The following CSMD1 variants were observed in gnomAD, a reference collection of about 807,000 sequenced individuals.
The protein encoded by CSMD1 is CUB and sushi domain-containing protein 1.
CSMD1 carries 213 observed loss-of-function variants against 417.5 expected under a neutral mutation model. That is an observed-to-expected ratio of 0.51 (90% CI 0.46 to 0.57). The LOEUF (loss-of-function observed/expected upper bound fraction) is 0.57. Among genes scored for constraint, CSMD1 ranks in the 20% least tolerant of loss-of-function variants. CSMD1 has a pLI of 0.00. For synonymous variants in CSMD1, 2,862 were observed against 1,736.8 expected, an observed-to-expected ratio of 1.65 and a Z score of -16.11; for missense variants, 6,923 against 4,529.7, an observed-to-expected ratio of 1.53 and a Z score of -15.17.
intron 5 of CSMD1, among the ~76,000 whole-genome samples, chr8:3,869,407 G>C (rs753228474): frequency 2.6e-5 from 4 of 152,012 alleles, no homozygotes; most frequent in African/African-American, 4.8e-5. Context: ...GACTTATTTT[G>C]TTTACTCCTT....
chr8:4,003,456 A>G (rs1815862984), intron 4 of CSMD1, among the ~76,000 whole-genome samples: 1 of 152,096 alleles, frequency 6.6e-6, no homozygotes, highest in African/African-American at 2.4e-5. Context: ...GTAAATAACA[A>G]GACACAAACA....
At chr8:3,653,675 G>T (rs974925981) in intron 7 of CSMD1, among the ~76,000 whole-genome samples, 1 of 152,128 alleles carries the variant, frequency 6.6e-6, no homozygotes, top group South Asian at 2.1e-4. Context: ...GCTTTTTACA[G>T]CCCAAGTCCT....
At chr8:3,982,184 T>C (rs1023637329) in intron 5 of CSMD1, among the ~76,000 whole-genome samples, 1 of 128,880 alleles carries the variant, frequency 7.8e-6, no homozygotes, top group African/African-American at 2.7e-5. Flanking sequence ...ATAATAATAA[T>C]AATAATATTA....
chr8:4,760,002 T>C (rs1357789405), intron 1 of CSMD1, among the ~76,000 whole-genome samples: 1 of 152,224 alleles, frequency 6.6e-6, no homozygotes, highest in Non-Finnish European at 1.5e-5. Context: ...TCTTCCACAA[T>C]GGTTGAACTA....
At chr8:3,923,498 T>TTG (rs1009153530) in intron 5 of CSMD1, among the ~76,000 whole-genome samples, 1 of 152,174 alleles carries the variant, frequency 6.6e-6, no homozygotes, top group Non-Finnish European at 1.5e-5. Flanking sequence ...CTTAAAGGTA[T>TTG]TGTGTGTGTG....
At chr8:3,970,029 C>G (rs1235043613) in intron 5 of CSMD1, among the ~76,000 whole-genome samples, 1 of 152,214 alleles carries the variant, frequency 6.6e-6, no homozygotes, top group East Asian at 1.9e-4. Flanking sequence ...TCTCACCTTT[C>G]CCTTCAGCAT....
chr8:4,149,036 T>C (rs1262098581), intron 3 of CSMD1, among the ~76,000 whole-genome samples: 2 of 151,922 alleles, frequency 1.3e-5, no homozygotes, highest in African/African-American at 2.4e-5. Context: ...CAATCTTTGC[T>C]CACTGCAACC....
intron 9 of CSMD1, among the ~76,000 whole-genome samples, chr8:3,575,613 G>A (rs924446849): frequency 6.6e-6 from 1 of 152,082 alleles, no homozygotes; most frequent in Non-Finnish European, 1.5e-5. Context: ...TCGAGCTTTA[G>A]ATTCTATTCT....
At chr8:4,352,654 C>T (rs999990103) in intron 3 of CSMD1, among the ~76,000 whole-genome samples, 2 of 152,168 alleles carry the variant, frequency 1.3e-5, no homozygotes, top group African/African-American at 4.8e-5. Flanking sequence ...CATACTATTT[C>T]CCCTATGAAG....
chr8:3,761,791 C>G (rs1798018312), intron 5 of CSMD1, among the ~76,000 whole-genome samples: 2 of 152,148 alleles, frequency 1.3e-5, no homozygotes, highest in Non-Finnish European at 2.9e-5. Flanking sequence ...CAGGCTTGAG[C>G]AACAATGCCC....
At chr8:3,240,750 A>C (rs1311624167) in intron 26 of CSMD1, among the ~76,000 whole-genome samples, 1 of 152,024 alleles carries the variant, frequency 6.6e-6, no homozygotes, top group Admixed American at 6.6e-5. Flanking sequence ...AGGTTAGGAG[A>C]GTATATGGGT....
intron 26 of CSMD1, among the ~76,000 whole-genome samples, chr8:3,246,017 T>G (rs1256990831): frequency 6.6e-6 from 1 of 152,186 alleles, no homozygotes; most frequent in East Asian, 1.9e-4. Flanking sequence ...TTTAATTATT[T>G]ATTTCCCCCA....
intron 5 of CSMD1, among the ~76,000 whole-genome samples, chr8:3,904,535 C>A (rs1374953008): frequency 6.6e-6 from 1 of 152,068 alleles, no homozygotes; most frequent in Non-Finnish European, 1.5e-5. Context: ...ACAGGTGATA[C>A]CAAAGCTGTT....
intron 36 of CSMD1, among the ~76,000 whole-genome samples, chr8:3,185,123 C>A (rs906418078): frequency 1.1e-4 from 16 of 152,230 alleles, no homozygotes; most frequent in Non-Finnish European, 2.9e-5. Context: ...GGTCAGAGTG[C>A]AGGTGGCCTG....
At chr8:3,966,751 ACACG>A (rs1563263210) in intron 5 of CSMD1, among the ~76,000 whole-genome samples, 1 of 101,622 alleles carries the variant, frequency 9.8e-6, no homozygotes, top group Non-Finnish European at 2.0e-5. Context: ...ACACACACAC[ACACG>A]CGCGCGCGCG....
chr8:3,981,133 T>C (rs983244979), intron 5 of CSMD1, among the ~76,000 whole-genome samples: 2 of 152,132 alleles, frequency 1.3e-5, no homozygotes, highest in African/African-American at 2.4e-5. Context: ...GTCCTCCAGA[T>C]GGAAAACAGT....
intron 1 of CSMD1, among the ~76,000 whole-genome samples, chr8:4,944,785 G>A (rs776247644): frequency 6.6e-6 from 1 of 152,080 alleles, no homozygotes; most frequent in Non-Finnish European, 1.5e-5. Context: ...TGGCAAACCC[G>A]CTGCACTCTT....
At chr8:3,696,291 C>A (rs1183874477) in intron 7 of CSMD1, among the ~76,000 whole-genome samples, 2 of 152,202 alleles carry the variant, frequency 1.3e-5, no homozygotes, top group African/African-American at 4.8e-5. Flanking sequence ...ATATGCAGTG[C>A]ATGCAAAATA....
chr8:3,793,362 TTTTC>T (rs1799858094), intron 5 of CSMD1, among the ~76,000 whole-genome samples: 1 of 152,298 alleles, frequency 6.6e-6, no homozygotes, highest in African/African-American at 2.4e-5. Flanking sequence ...AATTCTGTCA[TTTTC>T]TTTTTCTGTT....
Sources: gnomAD v4.1 joint callset for allele counts (sites outside exome capture counted in the v4.1 genomes callset) on GRCh38, gnomAD v4.1.1 for gene constraint, MANE v1.5 for transcripts, NCBI Gene and HGNC (gene_info 2026-07-23, HGNC 2026-07-21) for gene names.